Variants in ARIH2 observed in about 807,000 individuals in gnomAD.
ARIH2 encodes E3 ubiquitin-protein ligase ARIH2.
A neutral mutation model predicts 79.8 loss-of-function variants in ARIH2; 12 were observed. The ratio of observed to expected loss-of-function variants is 0.15; its 90% CI spans 0.10 to 0.24. The LOEUF (loss-of-function observed/expected upper bound fraction) is 0.24, where lower values mean the gene tolerates loss of function less well. Ranked by LOEUF, ARIH2 falls within the 10% of genes least tolerant of loss-of-function variation. The pLI is 1.00. For synonymous variants in ARIH2, 224 were observed against 213.9 expected, an observed-to-expected ratio of 1.05 and a Z score of -0.41; for missense variants, 301 against 618.3, an observed-to-expected ratio of 0.49 and a Z score of 5.44.
At chr3:48,981,581 T>C in intron 13 of ARIH2, 79 bp from the exon 14 acceptor site, 1 of 1,202,762 alleles carries the variant, frequency 8.3e-7, no homozygotes, top group Non-Finnish European at 1.2e-6. Flanking sequence ...ATGTTGAGGG[T>C]AGGAATTGTA....
chr3:48,970,630 C>A lies in ARIH2; in HGVS notation c.696C>A (p.Asp232Glu). 6.2e-7 allele frequency: 1 copy of A among 1,614,150 alleles called. No individual in the cohort carries two copies. Among genetic ancestry groups the A allele is most frequent in the Non-Finnish European group, 8.5e-7 (1 of 1,179,970 alleles). The change falls in exon 8 of 16, where the codon GAC (aspartate) becomes GAA (glutamate). Residue 232 changes from aspartate (D) to glutamate (E), a missense_variant. By Grantham distance (45) the Asp-to-Glu change is conservative. Around this residue, in one of 2 missense-constraint regions of ARIH2, gnomAD observed 223 missense variants for 349.4 expected, o/e 0.64. Coordinates refer to ENST00000356401, the MANE Select transcript of ARIH2 (RefSeq NM_006321.4). ...AGCTCCAGCTGTGCCCTGGTGCAGA[C>A]TGCCCCATGGTTATTCGGGTACAGG... ...HYQLQLCPGA[D>E]CPMVIRVQEP...
chr3:48,959,604 C>T (rs1289964348), intron 3 of ARIH2, among the ~76,000 whole-genome samples: 31 of 137,062 alleles, frequency 2.3e-4, no homozygotes, highest in African/African-American at 8.8e-4. Context: ...GAGATCGAGA[C>T]CATTCTGGCT....
intron 8 of ARIH2, 30 bp downstream of exon 8, chr3:48,970,734 C>A: frequency 6.5e-7 from 1 of 1,541,354 alleles, no homozygotes; most frequent in South Asian, 1.1e-5. Flanking sequence ...CTGAGCAGCC[C>A]TGGGCTCATG....
At chr3:48,962,151 C>T (rs1418756042) in intron 4 of ARIH2, among the ~76,000 whole-genome samples, 5 of 151,944 alleles carry the variant, frequency 3.3e-5, no homozygotes, top group East Asian at 1.9e-4. Context: ...CTGAGGCGGG[C>T]GGATCACCTG....
chr3:48,923,058 T>C (rs1331540637), intron 2 of ARIH2, among the ~76,000 whole-genome samples: 1 of 151,816 alleles, frequency 6.6e-6, no homozygotes, highest in Admixed American at 6.6e-5. Context: ...ATACAAAAAA[T>C]TAGCCGGGCG....
intron 3 of ARIH2, among the ~76,000 whole-genome samples, chr3:48,960,203 G>A (rs1408058194): frequency 6.6e-6 from 1 of 152,182 alleles, no homozygotes; most frequent in Non-Finnish European, 1.5e-5. Context: ...CCCAAGTCTT[G>A]ACACTTAGGG....
At chr3:48,928,380 G>A (rs2085917781) in intron 3 of ARIH2, among the ~76,000 whole-genome samples, 1 of 152,176 alleles carries the variant, frequency 6.6e-6, no homozygotes, top group Non-Finnish European at 1.5e-5. Flanking sequence ...TACCCCATCA[G>A]CAAGCATTTT....
At chr3:48,978,561 C>T (rs1477738467) in intron 11 of ARIH2, among the ~76,000 whole-genome samples, 1 of 148,434 alleles carries the variant, frequency 6.7e-6, no homozygotes, top group Non-Finnish European at 1.5e-5. Flanking sequence ...TCAGGTGATC[C>T]ATCCGCCTTG....
rs1381770584 is a variant in ARIH2 at position 48,921,129 on chromosome 3, G to T, written c.-161-1619G>T. 2.6e-5 allele frequency among the ~76,000 whole-genome samples: 2 copies of T among 75,902 alleles called. 1 individual carries two copies. The highest frequency in any genetic ancestry group is 3.6e-4 in the Admixed American group (2 of 5,572). The allele number at this position is 75,902 out of a possible 152,430, so 49.8% of individuals were successfully genotyped here. On this transcript the variant is annotated intron_variant, in intron 1 of 15. Coordinates refer to ENST00000356401, the MANE Select transcript of ARIH2 (RefSeq NM_006321.4). The stretch of plus-strand genomic sequence containing the variant: ...ATGCTACCACGCCCAGCTAATTTTT[G>T]TATTTTTAGTAGAGACAGGATTTCA...
intron 3 of ARIH2, among the ~76,000 whole-genome samples, chr3:48,956,669 CGTGTGTGT>C (rs10591265): frequency 2.7e-5 from 4 of 147,740 alleles, no homozygotes; most frequent in African/African-American, 7.5e-5. Context: ...ATACAGCTGA[CGTGTGTGT>C]GTGTGTGTGT....
At chr3:48,931,365 G>A (rs1374653006) in intron 3 of ARIH2, among the ~76,000 whole-genome samples, 1 of 151,770 alleles carries the variant, frequency 6.6e-6, no homozygotes, top group East Asian at 2.0e-4. Flanking sequence ...CTAACACGGT[G>A]AAACCCCATC....
chr3:48,966,222 C>G (rs1212119171), intron 5 of ARIH2, among the ~76,000 whole-genome samples: 1 of 152,220 alleles, frequency 6.6e-6, no homozygotes, highest in Non-Finnish European at 1.5e-5. Context: ...AATTGGGGCT[C>G]AGATCACCAC....
chr3:48,960,429 T>C (rs1466074933), intron 3 of ARIH2, among the ~76,000 whole-genome samples: 1 of 150,316 alleles, frequency 6.7e-6, no homozygotes, highest in Non-Finnish European at 1.5e-5. Flanking sequence ...TATTCCAGCC[T>C]AGACAACCGT....
intron 3 of ARIH2, among the ~76,000 whole-genome samples, chr3:48,956,115 A>G (rs889482618): frequency 2.6e-5 from 4 of 151,566 alleles, no homozygotes; most frequent in Non-Finnish European, 5.9e-5. Context: ...GTGTACTATC[A>G]ACCTAATATG....
intron 3 of ARIH2, 97 bp from the exon 4 acceptor site, chr3:48,961,515 T>C (rs1169194115): frequency 2.9e-6 from 2 of 678,554 alleles, no homozygotes; most frequent in African/African-American, 3.5e-5. Context: ...AGCCTGGGCT[T>C]GGCATAATAG....
At chr3:48,941,669 T>C (rs2088260652) in intron 3 of ARIH2, among the ~76,000 whole-genome samples, 1 of 150,228 alleles carries the variant, frequency 6.7e-6, no homozygotes, top group Admixed American at 6.7e-5. Flanking sequence ...CTCGGCTCAC[T>C]GCAAGCTCCA....
At chr3:48,940,381 G>C (rs923679245) in intron 3 of ARIH2, among the ~76,000 whole-genome samples, 1 of 151,934 alleles carries the variant, frequency 6.6e-6, no homozygotes, top group Non-Finnish European at 1.5e-5. Context: ...AGATTAGATA[G>C]ATAAAAAGAG....
At position 48,967,272 on chromosome 3, in the gene ARIH2, G is replaced by C; in HGVS notation, c.535G>C (p.Val179Leu). The change falls in exon 6 of 16, where the codon GTG (valine) becomes CTG (leucine). Residue 179 changes from valine to leucine, a missense_variant. By Grantham distance (32) the Val-to-Leu change is conservative. Around this residue, in one of 2 missense-constraint regions of ARIH2, gnomAD observed 223 missense variants for 349.4 expected, o/e 0.64. Transcript: ENST00000356401. ...CSVLVKDGVG[V>L]GVSCMAQDCP... ...AGTTCTCGTCAAGGACGGCGTGGGC[G>C]TGGGTGAGTCTGCCACAAAACTTAT... is the stretch of plus-strand genomic sequence containing the variant. 2 of 1,613,662 alleles carry C rather than the reference G, an allele frequency of 1.2e-6. No homozygotes were observed. The highest frequency in any genetic ancestry group is 2.2e-5 in the South Asian group (2 of 91,006).
intron 13 of ARIH2, among the ~76,000 whole-genome samples, chr3:48,981,247 G>A (rs1374350691): frequency 1.3e-5 from 2 of 151,396 alleles, no homozygotes; most frequent in Non-Finnish European, 1.5e-5. Flanking sequence ...TGGGAGGATC[G>A]CTTGAGTCTG....
Sources: allele counts gnomAD v4.1 joint callset (sites outside exome capture counted in the v4.1 genomes callset), GRCh38; gene constraint gnomAD v4.1.1; regional missense constraint gnomAD v4.1.1; transcripts MANE v1.5; gene names NCBI Gene and HGNC (gene_info 2026-07-23, HGNC 2026-07-21).